The following SLC39A10 variants were observed in gnomAD, a reference collection of about 807,000 sequenced individuals.
The protein encoded by SLC39A10 is solute carrier family 39 member 10.
A neutral mutation model predicts 65.1 loss-of-function variants in SLC39A10; 13 were observed. The observed-to-expected ratio is 0.20, with a 90% CI of 0.13 to 0.32. SLC39A10 has a LOEUF of 0.32. Ranked by LOEUF, SLC39A10 falls within the 10% of genes least tolerant of loss-of-function variation. The pLI, the probability that SLC39A10 is intolerant of heterozygous loss-of-function variation, is 1.00. For missense variants in SLC39A10, 831 were observed against 1,018.4 expected (o/e 0.82, Z 2.50); for synonymous variants, 321 against 342.2 (o/e 0.94, Z 0.68).
intron 3 of SLC39A10, 112 bp from the exon 4 acceptor site, chr2:195,706,503 TG>T: frequency 2.1e-6 from 2 of 958,206 alleles, no homozygotes; most frequent in Non-Finnish European, 3.0e-6. Flanking sequence ...TTTCATAATC[TG>T]GGTAAAATAG....
rs774168409 is a variant in SLC39A10, at chr2:195,674,684, T to C, written c.-11-5348T>C. On this transcript the variant is annotated intron_variant, in intron 1 of 9. Coordinates refer to ENST00000359634, the MANE Select transcript of SLC39A10 (RefSeq NM_020342.3). ...CATATGCATTGCTTAATGCTGAGTATGTTCTGAGGTGCAGGCTTAGGTGAT... is the reference window on the plus strand; with the variant it reads ...CATATGCATTGCTTAATGCTGAGTACGTTCTGAGGTGCAGGCTTAGGTGAT... 2.7e-5 allele frequency: 26 copies of C among 970,462 alleles called. No homozygotes were observed. In the Admixed American group the frequency reaches 1.5e-3, roughly 57 times the overall value. 60.1% of individuals were successfully genotyped at this position (970,462 alleles called of 1,614,324 possible). A position where few individuals can be genotyped will look rare whatever the true frequency, so the allele number is the denominator to read the frequency against.
At chr2:195,712,686 G>T (rs560549516) in intron 5 of SLC39A10, among the ~76,000 whole-genome samples, 36 of 152,112 alleles carry the variant, frequency 2.4e-4, no homozygotes, top group Non-Finnish European at 4.6e-4. Flanking sequence ...AAAGAAGAAA[G>T]CAGTAAAAGC....
At chr2:195,631,735 T>A (rs1036818143) in intron 2 of SLC39A10, among the ~76,000 whole-genome samples, 1 of 152,076 alleles carries the variant, frequency 6.6e-6, no homozygotes, top group Admixed American at 6.6e-5. Flanking sequence ...AGGGTGAAAA[T>A]TTTCAGTAAA....
At position 195,716,796 on chromosome 2, in the gene SLC39A10, A is replaced by G. The variant is rs749810275; in HGVS notation, c.1856A>G (p.His619Arg). Reference sequence around the variant, plus strand: ...GATGGATTACATACCATTCATGAGCATGATCTCCATGCTGCTGCACATAAC... The same window carrying G: ...GATGGATTACATACCATTCATGAGCGTGATCTCCATGCTGCTGCACATAAC... ...HSDGLHTIHE[H>R]DLHAAAHNHH... Residue 619 changes from histidine (H) to arginine (R), a missense_variant, in exon 7 of 10, where the codon CAT becomes CGT. Around this residue, in one of 4 missense-constraint regions of SLC39A10, gnomAD observed 230 missense variants for 242.9 expected, o/e 0.95. Coordinates refer to ENST00000359634, the MANE Select transcript of SLC39A10 (RefSeq NM_020342.3). 23 of 1,614,090 alleles carry G rather than the reference A, an allele frequency of 1.4e-5. No individual in the cohort carries two copies. Among genetic ancestry groups the G allele is most frequent in the Non-Finnish European group, 1.9e-5 (23 of 1,180,034 alleles).
chr2:195,721,969 C>G (rs1692061047), intron 8 of SLC39A10, among the ~76,000 whole-genome samples: 1 of 152,128 alleles, frequency 6.6e-6, no homozygotes, highest in Non-Finnish European at 1.5e-5. Context: ...CTTTTTCTGT[C>G]TGCAATTTCT....
At chr2:195,716,295 G>A (rs563509243) in intron 6 of SLC39A10, among the ~76,000 whole-genome samples, 11 of 152,172 alleles carry the variant, frequency 7.2e-5, no homozygotes, top group South Asian at 4.2e-4. Context: ...AACTCTTTCC[G>A]AACTTTTATC....
intron 8 of SLC39A10, among the ~76,000 whole-genome samples, chr2:195,723,237 A>G (rs1380390687): frequency 6.6e-6 from 1 of 152,208 alleles, no homozygotes; most frequent in African/African-American, 2.4e-5. Context: ...AAATTGCCTG[A>G]ATTACTAAGT....
intron 9 of SLC39A10, among the ~76,000 whole-genome samples, chr2:195,731,789 A>C (rs1692439984): frequency 6.6e-6 from 1 of 152,160 alleles, no homozygotes; most frequent in South Asian, 2.1e-4. Flanking sequence ...TAAAGAATGG[A>C]GTTTATTAGA....
chr2:195,686,127 T>G (rs1489014438), intron 3 of SLC39A10, among the ~76,000 whole-genome samples: 2 of 152,126 alleles, frequency 1.3e-5, no homozygotes, highest in East Asian at 3.9e-4. Context: ...TATATGAATA[T>G]GGACTTAAAA....
At position 195,676,624 on chromosome 2, in the gene SLC39A10, C is replaced by G. The variant is rs139268245; in HGVS notation, c.-11-3408C>G. Among the ~76,000 whole-genome samples the G allele has an allele frequency of 3.0e-3, 454 of 152,272 alleles. 3 individuals carry two copies. The highest frequency in any genetic ancestry group is 0.01 in the African/African-American group (422 of 41,568). ...TTTCACAGTCAATATTATTGATGCT[C>G]TTTCAGAACTCTGTTCCACTCCACT... is the stretch of plus-strand genomic sequence containing the variant. On this transcript the variant is annotated intron_variant, in intron 1 of 9. Coordinates refer to ENST00000359634, the MANE Select transcript of SLC39A10 (RefSeq NM_020342.3).
At chr2:195,722,343 G>A (rs530301571) in intron 8 of SLC39A10, among the ~76,000 whole-genome samples, 46 of 152,330 alleles carry the variant, frequency 3.0e-4, no homozygotes, top group African/African-American at 8.2e-4. Flanking sequence ...AAGAAACAGT[G>A]TAAAGAAATG....
chr2:195,621,679 A>G (rs1219861258), intron 2 of SLC39A10, among the ~76,000 whole-genome samples: 1 of 152,244 alleles, frequency 6.6e-6, no homozygotes, highest in Non-Finnish European at 1.5e-5. Context: ...GGAACAGATC[A>G]TTTCACTGGA....
intron 2 of SLC39A10, among the ~76,000 whole-genome samples, chr2:195,620,315 A>T (rs1486899425): frequency 6.6e-6 from 1 of 152,218 alleles, no homozygotes; most frequent in Non-Finnish European, 1.5e-5. Flanking sequence ...CTGAGGTATA[A>T]AAGTATATTT....
At chr2:195,621,910 C>T (rs193117421) in intron 2 of SLC39A10, among the ~76,000 whole-genome samples, 122 of 152,144 alleles carry the variant, frequency 8.0e-4, no homozygotes, top group Admixed American at 2.0e-3. Context: ...TAAAGTAAGG[C>T]ATATTTTGCA....
At chr2:195,685,395 TACATTTTAGG>T (rs933182331) in intron 3 of SLC39A10, among the ~76,000 whole-genome samples, 1 of 152,236 alleles carries the variant, frequency 6.6e-6, no homozygotes, top group Non-Finnish European at 1.5e-5. Flanking sequence ...TTTTTTCTCA[TACATTTTAGG>T]AAACTGCATC....
At chr2:195,670,621 G>T (rs1689822089) in intron 1 of SLC39A10, 2 of 152,074 alleles carry the variant, frequency 1.3e-5, no homozygotes, top group South Asian at 4.1e-4. Flanking sequence ...TTTTTAGAGT[G>T]TGTGTAAAAC....
At chr2:195,650,850 A>G (rs1316525274) in intron 2 of SLC39A10, among the ~76,000 whole-genome samples, 2 of 151,926 alleles carry the variant, frequency 1.3e-5, no homozygotes, top group East Asian at 1.9e-4. Flanking sequence ...GCCCATCTCA[A>G]AATGGTGGGG....
intron 1 of SLC39A10, chr2:195,670,440 T>G (rs1474299126): frequency 6.6e-6 from 1 of 152,200 alleles, no homozygotes; most frequent in Non-Finnish European, 1.5e-5. Flanking sequence ...CTTCTCTGTA[T>G]TTTTTCAATC....
intron 3 of SLC39A10, among the ~76,000 whole-genome samples, chr2:195,684,929 C>T (rs989761274): frequency 6.6e-6 from 1 of 152,136 alleles, no homozygotes; most frequent in Non-Finnish European, 1.5e-5. Context: ...AAACACATAT[C>T]GCAGACACTG....
Sources: allele counts gnomAD v4.1 joint callset (sites outside exome capture counted in the v4.1 genomes callset), GRCh38; gene constraint gnomAD v4.1.1; regional missense constraint gnomAD v4.1.1; transcripts MANE v1.5; gene names NCBI Gene and HGNC (gene_info 2026-07-23, HGNC 2026-07-21).